RAPGEF2: variants seen among roughly 807,000 people sequenced by gnomAD.
RAPGEF2 encodes the protein PDZ domain containing guanine nucleotide exchange factor (GEF) 1.
Under a neutral mutation model 186.7 loss-of-function variants are expected in RAPGEF2, and 54 were observed. The ratio of observed to expected loss-of-function variants is 0.29; its 90% CI spans 0.23 to 0.36. The LOEUF (loss-of-function observed/expected upper bound fraction) is 0.36, where lower values mean the gene tolerates loss of function less well. Ranked by LOEUF, RAPGEF2 falls within the 10% of genes least tolerant of loss-of-function variation. RAPGEF2 has a pLI of 1.00. For missense variants in RAPGEF2, 1,532 were observed against 2,045.0 expected (o/e 0.75, Z 4.84); for synonymous variants, 712 against 705.9 (o/e 1.01, Z -0.14).
intron 1 of RAPGEF2, among the ~76,000 whole-genome samples, chr4:159,147,284 G>A (rs114236389): frequency 0.01 from 1,584 of 151,268 alleles, 31 homozygotes; most frequent in African/African-American, 0.036. Context: ...AAAGGGACAG[G>A]AATATACGAA....
At chr4:159,130,612 C>A (rs942195546) in intron 1 of RAPGEF2, among the ~76,000 whole-genome samples, 4 of 152,084 alleles carry the variant, frequency 2.6e-5, no homozygotes, top group African/African-American at 9.7e-5. Flanking sequence ...AATTTTTAAA[C>A]AATTAGAGTT....
intron 1 of RAPGEF2, among the ~76,000 whole-genome samples, chr4:159,150,249 A>G (rs900299940): frequency 6.6e-5 from 10 of 152,152 alleles, no homozygotes; most frequent in African/African-American, 2.2e-4. Flanking sequence ...TGCTTCTAGG[A>G]AATACGGGGT....
intron 8 of RAPGEF2, among the ~76,000 whole-genome samples, chr4:159,305,758 A>G (rs1763204338): frequency 1.3e-5 from 2 of 152,120 alleles, no homozygotes; most frequent in Non-Finnish European, 2.9e-5. Flanking sequence ...ACCAGTGTCC[A>G]AAAGAATTTT....
At chr4:159,155,711 A>G (rs936926527) in intron 1 of RAPGEF2, among the ~76,000 whole-genome samples, 3 of 151,762 alleles carry the variant, frequency 2.0e-5, no homozygotes, top group African/African-American at 7.3e-5. Flanking sequence ...ACTTTTGTCT[A>G]TTGGCAGACC....
At chr4:159,270,149 T>C (rs1158713633) in intron 7 of RAPGEF2, among the ~76,000 whole-genome samples, 2 of 152,232 alleles carry the variant, frequency 1.3e-5, no homozygotes, top group African/African-American at 4.8e-5. Context: ...GAATTTGCCA[T>C]CTCAAGATGT....
At chr4:159,273,222 A>C (rs1758339589) in intron 7 of RAPGEF2, among the ~76,000 whole-genome samples, 1 of 152,220 alleles carries the variant, frequency 6.6e-6, no homozygotes, top group South Asian at 2.1e-4. Context: ...GGGGACTGAG[A>C]GGAAGCATAT....
chr4:159,157,780 A>G (rs1165555795), intron 1 of RAPGEF2, among the ~76,000 whole-genome samples: 1 of 152,182 alleles, frequency 6.6e-6, no homozygotes, highest in African/African-American at 2.4e-5. Flanking sequence ...CACTCCCAAC[A>G]TATCTCTGCT....
rs373340215 is a variant in RAPGEF2 at position 159,225,703 on chromosome 4, CTGTGGTTTTTAT to C, written c.282-13104_282-13093del. ...TAGTAGATACGTGGCAGTATTCTTA[CTGTGGTTTTTAT>C]TTTGCATTTCTCTGAAGATTAATGT... On this transcript the variant is annotated intron_variant, in intron 4 of 29. Transcript: ENST00000691494. Among the ~76,000 whole-genome samples the C allele has an allele frequency of 2.5e-4, 38 of 152,176 alleles. No individual in the cohort carries two copies. In the Middle Eastern group the frequency reaches 0.01, roughly 41 times the overall value.
intron 1 of RAPGEF2, among the ~76,000 whole-genome samples, chr4:159,108,489 T>A (rs1234248445): frequency 6.6e-6 from 1 of 151,800 alleles, no homozygotes; most frequent in Non-Finnish European, 1.5e-5. Flanking sequence ...CTTATCACTA[T>A]CATTTAATCT....
chr4:159,338,524 A>G, intron 18 of RAPGEF2, 56 bp downstream of exon 18: 1 of 1,469,312 alleles, frequency 6.8e-7, no homozygotes, highest in African/African-American at 1.4e-5. Context: ...TATTTCTAAC[A>G]TAATGGTCAT....
At chr4:159,143,605 A>AT in intron 1 of RAPGEF2, among the ~76,000 whole-genome samples, 1 of 152,104 alleles carries the variant, frequency 6.6e-6, no homozygotes, top group East Asian at 1.9e-4. Flanking sequence ...GTCAAATGTA[A>AT]TTTTTTCTTT....
intron 6 of RAPGEF2, 113 bp downstream of exon 6, chr4:159,241,481 C>T (rs1355437977): frequency 4.3e-5 from 17 of 394,688 alleles, no homozygotes; most frequent in Middle Eastern, 7.3e-4. Flanking sequence ...TATATATATA[C>T]ACACACATTA....
At chr4:159,178,010 A>G (rs1479422354) in intron 1 of RAPGEF2, among the ~76,000 whole-genome samples, 8 of 152,182 alleles carry the variant, frequency 5.3e-5, no homozygotes, top group South Asian at 4.1e-4. Flanking sequence ...GTCCATAGAC[A>G]TTTACCACTT....
intron 4 of RAPGEF2, among the ~76,000 whole-genome samples, chr4:159,214,170 A>G (rs1480967403): frequency 6.6e-6 from 1 of 152,166 alleles, no homozygotes; most frequent in Non-Finnish European, 1.5e-5. Flanking sequence ...ATATAGAAAC[A>G]GAGCAAACTG....
intron 20 of RAPGEF2, among the ~76,000 whole-genome samples, 184 bp downstream of exon 20, chr4:159,342,131 G>C (rs1729555750): frequency 6.6e-6 from 1 of 152,060 alleles, no homozygotes; most frequent in South Asian, 2.1e-4. Flanking sequence ...CAAAAAAACA[G>C]CTGTGCCAAC....
chr4:159,147,025 T>C (rs1392132464), intron 1 of RAPGEF2, among the ~76,000 whole-genome samples: 1 of 152,252 alleles, frequency 6.6e-6, no homozygotes, highest in Non-Finnish European at 1.5e-5. Flanking sequence ...TTTGAGCTCC[T>C]GGCATCAAGC....
chr4:159,243,692 T>C, intron 6 of RAPGEF2, 82 bp from the exon 7 acceptor site: 1 of 880,648 alleles, frequency 1.1e-6, no homozygotes, highest in Non-Finnish European at 1.6e-6. Flanking sequence ...ATCTTCATTT[T>C]GGCAGATGTA....
intron 1 of RAPGEF2, among the ~76,000 whole-genome samples, chr4:159,157,312 C>A (rs1028840917): frequency 6.6e-6 from 1 of 151,976 alleles, no homozygotes; most frequent in African/African-American, 2.4e-5. Context: ...AGTAAAAATG[C>A]TGGCCTAGGG....
intron 11 of RAPGEF2, chr4:159,328,900 T>C (rs1218752891): frequency 6.6e-6 from 1 of 152,108 alleles, no homozygotes; most frequent in Admixed American, 6.6e-5. Context: ...AAAATTAATA[T>C]GAGCAATATA....
Sources: gnomAD v4.1 joint callset for allele counts (sites outside exome capture counted in the v4.1 genomes callset) on GRCh38, gnomAD v4.1.1 for gene constraint, MANE v1.5 for transcripts, NCBI Gene and HGNC (gene_info 2026-07-23, HGNC 2026-07-21) for gene names.